Variants in ABCC4 observed in about 807,000 individuals in gnomAD.
The protein encoded by ABCC4 is ATP-binding cassette sub-family C member 4.
A neutral mutation model predicts 168.5 loss-of-function variants in ABCC4; 102 were observed. The ratio of observed to expected loss-of-function variants is 0.61; its 90% CI spans 0.52 to 0.71. ABCC4 has a LOEUF of 0.71. Ranked by LOEUF, ABCC4 falls within the 30% of genes least tolerant of loss-of-function variation. ABCC4 has a pLI of 0.00. For synonymous variants in ABCC4, 617 were observed against 590.7 expected (o/e 1.04, Z -0.65); for missense variants, 1,402 against 1,605.8 (o/e 0.87, Z 2.17).
intron 26 of ABCC4, 113 bp downstream of exon 26, chr13:95,062,591 G>T: frequency 6.2e-6 from 6 of 960,118 alleles, no homozygotes; most frequent in South Asian, 3.6e-5. Context: ...TGCTCTATTG[G>T]GTGAAAAAAA....
chr13:95,239,763 TA>T lies in ABCC4; in HGVS notation c.307-4930del, dbSNP rs199887892. 3.0e-3 allele frequency among the ~76,000 whole-genome samples: 441 copies of T among 144,974 alleles called. 5 individuals carry two copies. The highest frequency in any genetic ancestry group is 0.011 in the African/African-American group (427 of 40,344). On this transcript the variant is annotated intron_variant, in intron 3 of 30. Coordinates refer to ENST00000645237, the MANE Select transcript of ABCC4 (RefSeq NM_005845.5). ...CACTCATTATTTTGAAAATCGGTTTTAAAAAAAAATAACAAAATTAATCATT... is the reference window on the plus strand; with the variant it reads ...CACTCATTATTTTGAAAATCGGTTTTAAAAAAAATAACAAAATTAATCATT...
At chr13:95,041,503 T>C (rs1450053048) in intron 29 of ABCC4, among the ~76,000 whole-genome samples, 1 of 152,172 alleles carries the variant, frequency 6.6e-6, no homozygotes, top group Non-Finnish European at 1.5e-5. Flanking sequence ...ATGATGACAA[T>C]AGTGTTGGTT....
intron 29 of ABCC4, among the ~76,000 whole-genome samples, chr13:95,041,805 C>A (rs775219687): frequency 6.6e-6 from 1 of 152,190 alleles, no homozygotes; most frequent in Non-Finnish European, 1.5e-5. Flanking sequence ...ACAGGAGATG[C>A]TTTCAGCTAG....
In ABCC4 at chr13:95,285,299, C is replaced by G. The variant is rs1238447078; in HGVS notation, c.74+15942G>C. Among the ~76,000 whole-genome samples, 7 of 150,822 alleles carry G rather than the reference C, an allele frequency of 4.6e-5. No individual in the cohort carries two copies. The Admixed American group carries it at 4.6e-4, about 10-fold the overall frequency. The stretch of plus-strand genomic sequence containing the variant: ...GGCGTGGTAGCTTACACCTGTAATC[C>G]CAGCACATTGGGAGGCTGAGGCGGG... On this transcript the variant is annotated intron_variant, in intron 1 of 30. Transcript: ENST00000645237.
chr13:95,298,114 C>T (rs2041581228), intron 1 of ABCC4, among the ~76,000 whole-genome samples: 1 of 152,048 alleles, frequency 6.6e-6, no homozygotes, highest in East Asian at 1.9e-4. Flanking sequence ...CATGGTGCAA[C>T]CCCATCTCTA....
At chr13:95,192,669 G>A (rs1410638749) in intron 9 of ABCC4, among the ~76,000 whole-genome samples, 1 of 152,120 alleles carries the variant, frequency 6.6e-6, no homozygotes, top group Non-Finnish European at 1.5e-5. Context: ...TGCAATCCCA[G>A]CACTTTGGGA....
chr13:95,204,250 G>C (rs1421262734), intron 8 of ABCC4, among the ~76,000 whole-genome samples: 3 of 152,128 alleles, frequency 2.0e-5, no homozygotes, highest in South Asian at 2.1e-4. Context: ...AACCTTTCAA[G>C]GTTTTTGGAA....
chr13:95,061,199 T>C (rs1420637358), intron 26 of ABCC4, among the ~76,000 whole-genome samples: 1 of 152,214 alleles, frequency 6.6e-6, no homozygotes. Flanking sequence ...ATCATGGATG[T>C]ACAAAACTCT....
Position 95,188,313 on chromosome 13 carries a change from C to T in ABCC4, c.1353+140G>A, listed in dbSNP as rs149134873. ...TGGTCATGTGACCCTTCTTGCAAAA[C>T]GAATGTTCCATGCACTGAGAAATGC... is the stretch of plus-strand genomic sequence containing the variant. On this transcript the variant is annotated intron_variant, in intron 10 of 30. Transcript: ENST00000645237. The T allele has an allele frequency of 1.8e-4, 137 of 747,460 alleles. No homozygotes were observed. In the African/African-American group the frequency reaches 2.1e-3, roughly 11 times the overall value. 46.3% of individuals were successfully genotyped at this position (747,460 alleles called of 1,614,324 possible). A position where few individuals can be genotyped will look rare whatever the true frequency, so the allele number is the denominator to read the frequency against.
intron 1 of ABCC4, among the ~76,000 whole-genome samples, chr13:95,251,857 T>C (rs899110620): frequency 6.6e-6 from 1 of 152,210 alleles, no homozygotes; most frequent in Admixed American, 6.5e-5. Context: ...ACAGGTTGAG[T>C]TACCCACAGT....
intron 19 of ABCC4, among the ~76,000 whole-genome samples, chr13:95,153,462 C>CGAGAGA (rs200103407): frequency 6.6e-6 from 1 of 151,882 alleles, no homozygotes; most frequent in African/African-American, 2.4e-5. Flanking sequence ...TTACATATAT[C>CGAGAGA]GAGAGAGACA....
intron 30 of ABCC4, among the ~76,000 whole-genome samples, chr13:95,031,443 C>G (rs1322728756): frequency 6.6e-6 from 1 of 152,216 alleles, no homozygotes; most frequent in Non-Finnish European, 1.5e-5. Flanking sequence ...ACCTTCTGTT[C>G]TCCACGGACC....
intron 19 of ABCC4, among the ~76,000 whole-genome samples, chr13:95,118,542 C>A (rs1441019426): frequency 6.6e-6 from 1 of 152,202 alleles, no homozygotes; most frequent in Non-Finnish European, 1.5e-5. Flanking sequence ...TAGCACCCGG[C>A]CAGAATATTT....
chr13:95,117,060 A>G (rs1270831294), intron 19 of ABCC4, among the ~76,000 whole-genome samples: 3 of 152,172 alleles, frequency 2.0e-5, no homozygotes, highest in African/African-American at 7.2e-5. Flanking sequence ...CTCCTGAGGC[A>G]TCCAGCTGGC....
intron 19 of ABCC4, among the ~76,000 whole-genome samples, chr13:95,136,087 AAGT>A (rs1334999534): frequency 6.6e-6 from 1 of 152,208 alleles, no homozygotes; most frequent in Non-Finnish European, 1.5e-5. Flanking sequence ...ATATAAAATT[AAGT>A]AGAACAGTAA....
At chr13:95,086,119 G>GTGTGTGTGTGTGTGTGTGT (rs1555309910) in intron 20 of ABCC4, among the ~76,000 whole-genome samples, 1 of 150,236 alleles carries the variant, frequency 6.7e-6, no homozygotes, top group African/African-American at 2.5e-5. Context: ...GTGTGTGTGT[G>GTGTGTGTGTGTGTGTGTGT]GTTATATCTG....
chr13:95,230,947 T>A (rs2039603021), intron 4 of ABCC4, among the ~76,000 whole-genome samples: 1 of 152,222 alleles, frequency 6.6e-6, no homozygotes, highest in Non-Finnish European at 1.5e-5. Context: ...TATTATTCAC[T>A]CTTTCAAAGG....
chr13:95,269,740 T>A (rs1315625317), intron 1 of ABCC4, among the ~76,000 whole-genome samples: 1 of 152,212 alleles, frequency 6.6e-6, no homozygotes, highest in Non-Finnish European at 1.5e-5. Context: ...TTTCAATGGA[T>A]AATTTAACAG....
At chr13:95,156,632 C>T (rs1161359985) in intron 19 of ABCC4, among the ~76,000 whole-genome samples, 9 of 152,122 alleles carry the variant, frequency 5.9e-5, no homozygotes, top group Admixed American at 5.9e-4. Context: ...TCTGCAAATG[C>T]CCTATTCAAC....
Sources: allele counts gnomAD v4.1 joint callset (sites outside exome capture counted in the v4.1 genomes callset), GRCh38; gene constraint gnomAD v4.1.1; transcripts MANE v1.5; gene names NCBI Gene and HGNC (gene_info 2026-07-23, HGNC 2026-07-21).